Variants in EMSY observed in about 807,000 individuals in gnomAD.
EMSY encodes EMSY transcriptional repressor, BRCA2 interacting.
Under a neutral mutation model 134.6 loss-of-function variants are expected in EMSY, and 26 were observed. The ratio of observed to expected loss-of-function variants is 0.19; its 90% CI spans 0.14 to 0.27. EMSY has a LOEUF of 0.27. Ranked by LOEUF, EMSY falls within the 10% of genes least tolerant of loss-of-function variation. The pLI is 1.00. For synonymous variants in EMSY, 579 were observed against 577.8 expected (o/e 1.00, Z -0.03); for missense variants, 1,305 against 1,611.4 (o/e 0.81, Z 3.26).
At chr11:76,513,030 C>G (rs1251087082) in intron 9 of EMSY, among the ~76,000 whole-genome samples, 1 of 152,130 alleles carries the variant, frequency 6.6e-6, no homozygotes, top group Non-Finnish European at 1.5e-5. Flanking sequence ...TTTCTGACCT[C>G]TTATGCTAGT....
intron 8 of EMSY, among the ~76,000 whole-genome samples, chr11:76,494,837 G>A (rs1037995323): frequency 9.9e-5 from 15 of 151,936 alleles, no homozygotes; most frequent in Admixed American, 5.9e-4. Flanking sequence ...CCAGGTTCAA[G>A]AGATTCTCCT....
At chr11:76,479,634 A>C (rs536109989) in intron 8 of EMSY, among the ~76,000 whole-genome samples, 2 of 152,034 alleles carry the variant, frequency 1.3e-5, no homozygotes, top group African/African-American at 4.8e-5. Context: ...ACTTATGTTT[A>C]TCTATAGCAC....
chr11:76,528,331 C>G, exon 14 of EMSY: 1 of 1,613,650 alleles, frequency 6.2e-7, no homozygotes, highest in Non-Finnish European at 8.5e-7. Flanking sequence ...AACAAGACAG[C>G]TAGTAACAGA....
chr11:76,479,645 A>G (rs1948894396), intron 8 of EMSY, among the ~76,000 whole-genome samples: 4 of 152,258 alleles, frequency 2.6e-5, no homozygotes, highest in Admixed American at 1.3e-4. Context: ...TCTATAGCAC[A>G]GAAAGACAAG....
chr11:76,485,844 G>A (rs1018081790), intron 8 of EMSY, among the ~76,000 whole-genome samples: 98 of 152,320 alleles, frequency 6.4e-4, no homozygotes, highest in African/African-American at 2.3e-3. Context: ...ATGGTGTGGC[G>A]ATTCTTCAAG....
intron 8 of EMSY, 81 bp downstream of exon 9, chr11:76,472,921 C>T: frequency 3.4e-6 from 5 of 1,466,442 alleles, no homozygotes; most frequent in Non-Finnish European, 2.8e-6. Flanking sequence ...TGTTTCTCTG[C>T]TTTGGATATG....
At chr11:76,544,889 A>AACATCG in intron 19 of EMSY, 67 bp downstream of exon 20, 2 of 1,500,902 alleles carry the variant, frequency 1.3e-6, no homozygotes, top group Non-Finnish European at 1.8e-6. Context: ...TGAGAACATC[A>AACATCG]CGACCCTATC....
At chr11:76,500,115 A>AATACTT (rs1949805041) in intron 9 of EMSY, among the ~76,000 whole-genome samples, 1 of 151,780 alleles carries the variant, frequency 6.6e-6, no homozygotes, top group Non-Finnish European at 1.5e-5. Flanking sequence ...CAATAAAAAA[A>AATACTT]ATACTTATGT....
intron 19 of EMSY, among the ~76,000 whole-genome samples, chr11:76,545,346 C>T (rs1951604200): frequency 6.6e-6 from 1 of 151,892 alleles, no homozygotes; most frequent in African/African-American, 2.4e-5. Context: ...AAACCAGTGG[C>T]TCTGGAGTGA....
chr11:76,462,878 A>C (rs1431781613), intron 6 of EMSY, among the ~76,000 whole-genome samples: 1 of 152,250 alleles, frequency 6.6e-6, no homozygotes, highest in Non-Finnish European at 1.5e-5. Flanking sequence ...GTGCATAGGC[A>C]TGATGAGATG....
intron 13 of EMSY, among the ~76,000 whole-genome samples, chr11:76,527,399 T>A (rs1311888517): frequency 6.6e-6 from 1 of 152,206 alleles, no homozygotes; most frequent in East Asian, 1.9e-4. Context: ...ATAATTTCAT[T>A]TGCTTCATCT....
chr11:76,481,200 C>T (rs937899688), intron 8 of EMSY, among the ~76,000 whole-genome samples: 13 of 152,242 alleles, frequency 8.5e-5, no homozygotes, highest in African/African-American at 2.9e-4. Context: ...CCCGCCACCA[C>T]GCCCAGCTAA....
intron 9 of EMSY, among the ~76,000 whole-genome samples, chr11:76,505,236 C>T (rs945730600): frequency 1.3e-5 from 2 of 152,074 alleles, no homozygotes; most frequent in Admixed American, 6.5e-5. Flanking sequence ...GTAATCCCAG[C>T]ACTTTGGGAG....
At chr11:76,499,424 A>T (rs1353830973) in intron 9 of EMSY, among the ~76,000 whole-genome samples, 1 of 151,144 alleles carries the variant, frequency 6.6e-6, no homozygotes, top group Non-Finnish European at 1.5e-5. Context: ...AGTAGATGGG[A>T]CTACAGGCGC....
At chr11:76,512,590 T>C (rs1346558968) in intron 9 of EMSY, among the ~76,000 whole-genome samples, 2 of 151,980 alleles carry the variant, frequency 1.3e-5, no homozygotes, top group Non-Finnish European at 2.9e-5. Context: ...AGCATGTTTA[T>C]ATAAAATTAA....
At chr11:76,500,136 A>G (rs1949806081) in intron 9 of EMSY, among the ~76,000 whole-genome samples, 1 of 151,696 alleles carries the variant, frequency 6.6e-6, no homozygotes, top group South Asian at 2.1e-4. Flanking sequence ...CGCCTATCAC[A>G]TTTGACCTTT....
At chr11:76,547,309 A>G (rs1206763889) in intron 20 of EMSY, among the ~76,000 whole-genome samples, 2 of 152,202 alleles carry the variant, frequency 1.3e-5, no homozygotes, top group Admixed American at 1.3e-4. Flanking sequence ...TGTTAAACCA[A>G]TTAAGGTAGA....
intron 18 of EMSY, among the ~76,000 whole-genome samples, chr11:76,542,956 GATTT>G (rs1951502189): frequency 6.6e-6 from 1 of 152,106 alleles, no homozygotes; most frequent in South Asian, 2.1e-4. Context: ...TTAATAGGTT[GATTT>G]TGTGTCGGAT....
At chr11:76,523,110 C>T in intron 11 of EMSY, 45 bp from the exon 13 acceptor site, 2 of 1,565,410 alleles carry the variant, frequency 1.3e-6, no homozygotes, top group Non-Finnish European at 1.7e-6. Flanking sequence ...AACCAAGTAT[C>T]TCTAGTCCTT....
Sources: allele counts gnomAD v4.1 joint callset (sites outside exome capture counted in the v4.1 genomes callset), GRCh38; gene constraint gnomAD v4.1.1; transcripts MANE v1.5; gene names NCBI Gene and HGNC (gene_info 2026-07-23, HGNC 2026-07-21).